Variants in FANCL observed in about 807,000 individuals in gnomAD.
FANCL encodes the protein FA complementation group L, also known as E3 ubiquitin-protein ligase FANCL.
A neutral mutation model predicts 59.4 loss-of-function variants in FANCL; 69 were observed. That is an observed-to-expected ratio of 1.16 (90% CI 0.96 to 1.42). The LOEUF (loss-of-function observed/expected upper bound fraction) is 1.42, where lower values mean the gene tolerates loss of function less well. Among genes scored for constraint, FANCL ranks in the 40% most tolerant of loss-of-function variants. FANCL has a pLI of 0.00. For synonymous variants in FANCL, 180 were observed against 147.1 expected (o/e 1.22, Z -1.62); for missense variants, 519 against 447.2 (o/e 1.16, Z -1.45).
intron 4 of FANCL, among the ~76,000 whole-genome samples, chr2:58,226,190 C>G (rs960612238): frequency 6.6e-6 from 1 of 152,058 alleles, no homozygotes; most frequent in Non-Finnish European, 1.5e-5. Context: ...AATCTTCCCT[C>G]TTCTTTTGTT....
intron 6 of FANCL, among the ~76,000 whole-genome samples, chr2:58,203,512 T>C (rs1204138316): frequency 6.6e-6 from 1 of 152,052 alleles, no homozygotes; most frequent in Non-Finnish European, 1.5e-5. Context: ...TTTACTTATT[T>C]GTCCAAATTC....
chr2:58,196,829 A>G (rs1172256463), intron 7 of FANCL, among the ~76,000 whole-genome samples: 2 of 151,970 alleles, frequency 1.3e-5, no homozygotes, highest in Non-Finnish European at 2.9e-5. Flanking sequence ...ATATTAAAGT[A>G]TAATTTAGAA....
At chr2:58,222,565 C>A (rs1692590921) in intron 4 of FANCL, among the ~76,000 whole-genome samples, 1 of 152,006 alleles carries the variant, frequency 6.6e-6, no homozygotes, top group African/African-American at 2.4e-5. Context: ...ATTCTTCAAG[C>A]AGGTAAGTCG....
chr2:58,229,228 A>G (rs934744388), intron 3 of FANCL, among the ~76,000 whole-genome samples: 4 of 152,106 alleles, frequency 2.6e-5, no homozygotes, highest in Admixed American at 2.0e-4. Context: ...TCTAAAAACT[A>G]TTTTTCTAAA....
chr2:58,214,922 C>G (rs1691557319), intron 5 of FANCL, among the ~76,000 whole-genome samples: 1 of 152,144 alleles, frequency 6.6e-6, no homozygotes, highest in Non-Finnish European at 1.5e-5. Flanking sequence ...AATCTCATAT[C>G]ACATCCTTAA....
chr2:58,200,200 T>C (rs1689858630), intron 6 of FANCL, among the ~76,000 whole-genome samples: 1 of 152,058 alleles, frequency 6.6e-6, no homozygotes, highest in Non-Finnish European at 1.5e-5. Context: ...CAGAGTATCA[T>C]TGCTGTAATC....
chr2:58,228,726 C>T (rs1693277884), intron 3 of FANCL, among the ~76,000 whole-genome samples: 1 of 152,100 alleles, frequency 6.6e-6, no homozygotes, highest in Non-Finnish European at 1.5e-5. Context: ...TTCACTGGGA[C>T]TGTAAAATAA....
At chr2:58,178,430 A>C (rs779816440) in intron 7 of FANCL, among the ~76,000 whole-genome samples, 1 of 152,090 alleles carries the variant, frequency 6.6e-6, no homozygotes, top group Non-Finnish European at 1.5e-5. Flanking sequence ...GTTCAACATA[A>C]GCAAATCAAT....
At chr2:58,197,683 T>C (rs1176177679) in intron 7 of FANCL, among the ~76,000 whole-genome samples, 1 of 152,216 alleles carries the variant, frequency 6.6e-6, no homozygotes, top group Non-Finnish European at 1.5e-5. Flanking sequence ...GAGAATCTTC[T>C]GTATTCTTTA....
chr2:58,230,394 C>G (rs1049973415), intron 2 of FANCL, among the ~76,000 whole-genome samples: 1 of 152,100 alleles, frequency 6.6e-6, no homozygotes, highest in Non-Finnish European at 1.5e-5. Flanking sequence ...ACCTGAACTC[C>G]TAGGCTCAAG....
chr2:58,161,416 G>T, intron 12 of FANCL, 106 bp downstream of exon 12: 1 of 795,366 alleles, frequency 1.3e-6, no homozygotes. Flanking sequence ...GCAAAAGAGA[G>T]GATCACTATT....
At chr2:58,184,242 T>C (rs1429440889) in intron 7 of FANCL, among the ~76,000 whole-genome samples, 2 of 152,038 alleles carry the variant, frequency 1.3e-5, no homozygotes, top group South Asian at 4.1e-4. Flanking sequence ...AATTTACTCT[T>C]TGATCAAAAT....
At chr2:58,180,908 A>C (rs761857472) in intron 7 of FANCL, among the ~76,000 whole-genome samples, 2 of 152,100 alleles carry the variant, frequency 1.3e-5, no homozygotes, top group Non-Finnish European at 2.9e-5. Context: ...ATGAGATAAC[A>C]TTAAAATAAT....
At chr2:58,204,085 A>T in intron 6 of FANCL, 45 bp downstream of exon 6, 2 of 1,429,522 alleles carry the variant, frequency 1.4e-6, no homozygotes, top group Non-Finnish European at 2.0e-6. Flanking sequence ...AGTTCATTTC[A>T]CAAAGTATTT....
chr2:58,194,785 G>C (rs1689269833), intron 7 of FANCL, among the ~76,000 whole-genome samples: 1 of 151,918 alleles, frequency 6.6e-6, no homozygotes, highest in Non-Finnish European at 1.5e-5. Flanking sequence ...AAATGAATAT[G>C]TCAGAGCAGC....
chr2:58,218,710 ACGT>A (rs1692097994), intron 5 of FANCL, among the ~76,000 whole-genome samples: 1 of 152,042 alleles, frequency 6.6e-6, no homozygotes, highest in Non-Finnish European at 1.5e-5. Flanking sequence ...AGTGCTCTGC[ACGT>A]ATACTGCAAC....
intron 5 of FANCL, among the ~76,000 whole-genome samples, chr2:58,210,863 C>A (rs976759397): frequency 1.3e-5 from 2 of 152,162 alleles, no homozygotes; most frequent in Admixed American, 6.5e-5. Context: ...CATGCTGATA[C>A]AAGAGTTGAG....
chr2:58,218,539 A>G (rs1692076004), intron 5 of FANCL, among the ~76,000 whole-genome samples: 1 of 151,904 alleles, frequency 6.6e-6, no homozygotes, highest in Non-Finnish European at 1.5e-5. Context: ...TGTTACAAAT[A>G]TGGGAAAGAA....
At chr2:58,218,525 T>G (rs1340144526) in intron 5 of FANCL, among the ~76,000 whole-genome samples, 5 of 151,602 alleles carry the variant, frequency 3.3e-5, no homozygotes, top group Non-Finnish European at 7.4e-5. Flanking sequence ...GACAAAACAA[T>G]CTGTGTTACA....
Sources: allele counts gnomAD v4.1 joint callset (sites outside exome capture counted in the v4.1 genomes callset), GRCh38; gene constraint gnomAD v4.1.1; transcripts MANE v1.5; gene names NCBI Gene and HGNC (gene_info 2026-07-23, HGNC 2026-07-21).